Variants in TIMM17A observed in about 807,000 individuals in gnomAD.
TIMM17A encodes the protein mitochondrial import inner membrane translocase subunit Tim17-A.
Under a neutral mutation model 26.5 loss-of-function variants are expected in TIMM17A, and 15 were observed. That is an observed-to-expected ratio of 0.57 (90% CI 0.38 to 0.87). The LOEUF (loss-of-function observed/expected upper bound fraction) is 0.87, where lower values mean the gene tolerates loss of function less well. Among genes scored for constraint, TIMM17A ranks in the 40% least tolerant of loss-of-function variants. TIMM17A has a pLI of 0.00. For missense variants in TIMM17A, 201 were observed against 210.0 expected, an observed-to-expected ratio of 0.96 and a Z score of 0.27; for synonymous variants, 80 against 70.8, an observed-to-expected ratio of 1.13 and a Z score of -0.66.
Position 201,966,950 on chromosome 1 carries a change from TTA to T in TIMM17A, c.430+1413_430+1414del, listed in dbSNP as rs534388788. Reference sequence around the variant, plus strand: ...TTATATGTTGTATATATGTTATGTATTATATATGTTATATATTATATATGTTG... The same window carrying T: ...TTATATGTTGTATATATGTTATGTATTATATGTTATATATTATATATGTTG... On this transcript the variant is annotated intron_variant, in intron 5 of 5. Coordinates refer to ENST00000367287, the MANE Select transcript of TIMM17A (RefSeq NM_006335.3). Among the ~76,000 whole-genome samples the T allele has an allele frequency of 4.1e-5, 6 of 145,808 alleles. No individual in the cohort carries two copies. The South Asian group carries it at 6.4e-4, about 15-fold the overall frequency.
In TIMM17A at chr1:201,963,664, T is replaced by C; in HGVS notation, c.239T>C (p.Met80Thr). Residue 80 changes from methionine (M) to threonine (T), a missense_variant, in exon 4 of 6, where the codon ATG (methionine) becomes ACG (threonine). Coordinates refer to ENST00000367287, the MANE Select transcript of TIMM17A (RefSeq NM_006335.3). ...CTGTTTTCCATGATTGACTGTAGTA[T>C]GGTTCAAGTCAGAGGAAAGGAAGAT... ...GGLFSMIDCS[M>T]VQVRGKEDPW... 6.2e-7 allele frequency: 1 copy of C among 1,611,548 alleles called. No homozygotes were observed. The highest frequency in any genetic ancestry group is 8.5e-7 in the Non-Finnish European group (1 of 1,179,338).
At chr1:201,964,336 GTTAA>G (rs1571606188) in intron 4 of TIMM17A, among the ~76,000 whole-genome samples, 1 of 152,144 alleles carries the variant, frequency 6.6e-6, no homozygotes, top group South Asian at 2.1e-4. Flanking sequence ...GTAATCTGGA[GTTAA>G]TTAATAATTA....
rs1682392573 is a variant in TIMM17A, at chr1:201,955,531, A to G, written c.5A>G (p.Glu2Gly). MEEYAREPCPWR... is the reference protein window; with the variant it reads MGEYAREPCPWR... Reference sequence around the variant, plus strand: ...ACTCGCGGCATTGGAGTCAAGATGGAGGAGTACGCGCGAGAGCCTTGGTGA... The same window carrying G: ...ACTCGCGGCATTGGAGTCAAGATGGGGGAGTACGCGCGAGAGCCTTGGTGA... Residue 2 changes from glutamate to glycine, a missense_variant, in exon 1 of 6, where the codon GAG becomes GGG. Coordinates refer to ENST00000367287, the MANE Select transcript of TIMM17A (RefSeq NM_006335.3). 1 of 1,614,234 alleles carries G rather than the reference A, an allele frequency of 6.2e-7. No homozygotes were observed. Among genetic ancestry groups the G allele is most frequent in the Non-Finnish European group, 8.5e-7 (1 of 1,180,038 alleles).
chr1:201,958,455 C>T (rs2819375), intron 3 of TIMM17A, among the ~76,000 whole-genome samples: 68,127 of 152,236 alleles, frequency 0.45, 16,333 homozygotes, highest in South Asian at 0.61. Context: ...ATAATCCCAG[C>T]AGTTTGGGAG....
In TIMM17A at chr1:201,969,490, C is replaced by CCT; in HGVS notation, c.454_455dup (p.Gln153ProfsTer29). ...GCAGGTCCTCAGTTTGCAGAAGACC[C>CCT]CTCCCAGTTGCCTTCAACTCAGTTA... is the stretch of plus-strand genomic sequence containing the variant. On this transcript the variant is annotated frameshift_variant, in exon 6 of 6. Coordinates refer to ENST00000367287, the MANE Select transcript of TIMM17A (RefSeq NM_006335.3). LOFTEE classifies it high-confidence loss of function. The CCT allele has an allele frequency of 6.2e-7, 1 of 1,613,406 alleles. No individual in the cohort carries two copies. The highest frequency in any genetic ancestry group is 8.5e-7 in the Non-Finnish European group (1 of 1,179,650).
Position 201,963,743 on chromosome 1 carries a change from A to T in TIMM17A, c.318A>T (p.Arg106Ser), listed in dbSNP as rs771683008. Reference protein sequence around the residue: ...GALTGAILAARNGPVAMVGSA... With the variant: ...GALTGAILAASNGPVAMVGSA... Reference sequence around the variant, plus strand: ...TAACGGGAGCCATACTGGCAGCAAGAAGTAAGTAGTCATTACAGACATACT... The same window carrying T: ...TAACGGGAGCCATACTGGCAGCAAGTAGTAAGTAGTCATTACAGACATACT... The change falls in exon 4 of 6, where the codon AGA (arginine) becomes AGT (serine). Residue 106 changes from arginine to serine, a missense_variant and splice_region_variant. By Grantham distance (110) the Arg-to-Ser change is moderately radical (BLOSUM62 -1). Transcript: ENST00000367287. 1 of 1,596,752 alleles carries T rather than the reference A, an allele frequency of 6.3e-7. No individual in the cohort carries two copies. Among genetic ancestry groups the T allele is most frequent in the Admixed American group, 1.9e-5 (1 of 53,336 alleles).
At chr1:201,964,521 A>G (rs1201016512) in intron 4 of TIMM17A, among the ~76,000 whole-genome samples, 3 of 151,978 alleles carry the variant, frequency 2.0e-5, no homozygotes. Flanking sequence ...GGTCTTTGTC[A>G]TAGCTACCTA....
At chr1:201,967,468 T>A (rs1212008426) in intron 5 of TIMM17A, among the ~76,000 whole-genome samples, 1 of 152,096 alleles carries the variant, frequency 6.6e-6, no homozygotes, top group Non-Finnish European at 1.5e-5. Context: ...TCATAGAAAT[T>A]AGCCTTGAGT....
chr1:201,967,015 GTATATA>G (rs1553301543), intron 5 of TIMM17A, among the ~76,000 whole-genome samples: 4 of 118,836 alleles, frequency 3.4e-5, no homozygotes, highest in African/African-American at 1.3e-4. Flanking sequence ...GTGTGTGTGT[GTATATA>G]TATATAGTGA....
intron 5 of TIMM17A, among the ~76,000 whole-genome samples, chr1:201,967,530 T>TTTTATTTATTTTATTTA (rs1553301611): frequency 5.3e-5 from 8 of 150,670 alleles, no homozygotes; most frequent in African/African-American, 1.9e-4. Context: ...TATTTATTTA[T>TTTTATTTATTTTATTTA]TTTATTTATT....
rs759557626 is a variant in TIMM17A, at chr1:201,966,991, T to TTGTGTGTGTG, written c.430+1464_430+1473dup. 2.3e-3 allele frequency among the ~76,000 whole-genome samples: 311 copies of TTGTGTGTGTG among 133,066 alleles called. 2 individuals are homozygous for TTGTGTGTGTG. Among genetic ancestry groups the TTGTGTGTGTG allele is most frequent in the Middle Eastern group, 7.6e-3 (2 of 264 alleles). The allele number at this position is 133,066 out of a possible 152,430, so 87.3% of individuals were successfully genotyped here. Reference sequence around the variant, plus strand: ...TTATATATGTTGTATATTATATATGTTGTGTGTGTGTGTGTGTGTGTGTGT... The same window carrying TTGTGTGTGTG: ...TTATATATGTTGTATATTATATATGTTGTGTGTGTGTGTGTGTGTGTGTGTGTGTGTGTGT... On this transcript the variant is annotated intron_variant, in intron 5 of 5. Coordinates refer to ENST00000367287, the MANE Select transcript of TIMM17A (RefSeq NM_006335.3).
chr1:201,963,861 C>T, intron 4 of TIMM17A, 117 bp downstream of exon 4: 2 of 1,162,100 alleles, frequency 1.7e-6, no homozygotes, highest in Non-Finnish European at 2.3e-6. Flanking sequence ...CACATTGGCT[C>T]ATGACTATAA....
At chr1:201,961,899 C>T (rs996011898) in intron 3 of TIMM17A, among the ~76,000 whole-genome samples, 2 of 151,902 alleles carry the variant, frequency 1.3e-5, no homozygotes, top group Non-Finnish European at 2.9e-5. Context: ...TCAGAGTATA[C>T]TCTGACACTC....
intron 1 of TIMM17A, 46 bp from the exon 2 acceptor site, chr1:201,957,235 G>C: frequency 7.9e-7 from 1 of 1,259,278 alleles, no homozygotes; most frequent in Non-Finnish European, 1.2e-6. Context: ...AAGATTTTAT[G>C]GTTTGTGAAT....
At chr1:201,957,726 A>T in intron 3 of TIMM17A, 152 bp downstream of exon 3, 1 of 590,390 alleles carries the variant, frequency 1.7e-6, no homozygotes, top group Admixed American at 3.7e-5. Context: ...CTTGATTTGT[A>T]GTTTGTTTGA....
chr1:201,959,027 G>T (rs533825385), intron 3 of TIMM17A, among the ~76,000 whole-genome samples: 16 of 152,298 alleles, frequency 1.1e-4, no homozygotes, highest in African/African-American at 3.4e-4. Flanking sequence ...CAAGAATGAT[G>T]AGTGGTATTA....
intron 5 of TIMM17A, among the ~76,000 whole-genome samples, chr1:201,966,638 T>A (rs1558251725): frequency 1.3e-5 from 2 of 150,420 alleles, no homozygotes; most frequent in South Asian, 2.1e-4. Flanking sequence ...AGGTCAGGAG[T>A]TTTGAGAGCA....
Position 201,963,732 on chromosome 1 carries a change from C to T in TIMM17A, c.307C>T (p.Leu103=), listed in dbSNP as rs1682575347. ...ITSGALTGAI[L]AARNGPVAMV... Reference sequence around the variant, plus strand: ...AAGTGGTGCCTTAACGGGAGCCATACTGGCAGCAAGAAGTAAGTAGTCATT... The same window carrying T: ...AAGTGGTGCCTTAACGGGAGCCATATTGGCAGCAAGAAGTAAGTAGTCATT... The change falls in exon 4 of 6, where the codon CTG becomes TTG. Residue 103 remains leucine, a synonymous_variant. Coordinates refer to ENST00000367287, the MANE Select transcript of TIMM17A (RefSeq NM_006335.3). 2.5e-6 allele frequency: 4 copies of T among 1,602,094 alleles called. No homozygotes were observed. Among genetic ancestry groups the T allele is most frequent in the Non-Finnish European group, 3.4e-6 (4 of 1,177,202 alleles).
In TIMM17A at chr1:201,965,322, G is replaced by A. The variant is rs550145309; in HGVS notation, c.320-111G>A. 5.4e-6 allele frequency: 4 copies of A among 738,030 alleles called. No individual in the cohort carries two copies. In the East Asian group the frequency reaches 7.9e-5, roughly 15 times the overall value. 45.7% of individuals were successfully genotyped at this position (738,030 alleles called of 1,614,324 possible). A position where few individuals can be genotyped will look rare whatever the true frequency, so the allele number is the denominator to read the frequency against. On this transcript the variant is annotated intron_variant, in intron 4 of 5. Coordinates refer to ENST00000367287, the MANE Select transcript of TIMM17A (RefSeq NM_006335.3). The stretch of plus-strand genomic sequence containing the variant: ...TCTGGGTCTTAGGCAATAAGAAAGA[G>A]TTTGGGAGTTGGGGGAGCATGTCAC...
Sources: allele counts gnomAD v4.1 joint callset (sites outside exome capture counted in the v4.1 genomes callset), GRCh38; gene constraint gnomAD v4.1.1; transcripts MANE v1.5; gene names NCBI Gene and HGNC (gene_info 2026-07-23, HGNC 2026-07-21).